EREG: variants seen among roughly 807,000 people sequenced by gnomAD.
The protein encoded by EREG is proepiregulin.
EREG carries 23 observed loss-of-function variants against 22.4 expected under a neutral mutation model. The observed-to-expected ratio is 1.03, with a 90% CI of 0.74 to 1.46. The LOEUF is 1.46. Among genes scored for constraint, EREG ranks in the 40% most tolerant of loss-of-function variants. The pLI is 0.00. For synonymous variants in EREG, 100 were observed against 75.4 expected (o/e 1.33, Z -1.69); for missense variants, 226 against 205.9 (o/e 1.10, Z -0.60).
Position 74,385,254 on chromosome 4 carries a change from G to T in EREG, c.*446G>T, listed in dbSNP as rs900786316. ...GTTTGACTGTACCATGGTTTGATAT[G>T]TAGTTGGCACCATGGTATCATATAT... On this transcript the variant is annotated 3_prime_UTR_variant, in exon 5 of 5. Transcript: ENST00000244869. The T allele has an allele frequency of 6.5e-6, 1 of 154,872 alleles. No homozygotes were observed. The highest frequency in any genetic ancestry group is 1.9e-4 in the East Asian group (1 of 5,268). The allele number at this position is 154,872 out of a possible 1,614,324, so 9.6% of individuals were successfully genotyped here.
Position 74,365,220 on chromosome 4 carries a change from C to A in EREG, c.-89C>A. On this transcript the variant is annotated 5_prime_UTR_variant, in exon 1 of 5. Coordinates refer to ENST00000244869, the MANE Select transcript of EREG (RefSeq NM_001432.3). ...TTCTAGGCTGACAGCCGCTCTCCAG[C>A]CACTGCCGCGAGCCCGTCTGCTCCC... 1 of 1,015,276 alleles carries A rather than the reference C, an allele frequency of 9.8e-7. No homozygotes were observed. 62.9% of individuals were successfully genotyped at this position (1,015,276 alleles called of 1,614,324 possible). A position where few individuals can be genotyped will look rare whatever the true frequency, so the allele number is the denominator to read the frequency against.
intron 1 of EREG, among the ~76,000 whole-genome samples, chr4:74,368,305 A>T (rs1241184275): frequency 6.6e-6 from 1 of 152,216 alleles, no homozygotes; most frequent in Non-Finnish European, 1.5e-5. Context: ...CATAATTTCT[A>T]ATCAACACAG....
At chr4:74,384,480 T>A (rs1752534444) in intron 4 of EREG, among the ~76,000 whole-genome samples, 1 of 152,136 alleles carries the variant, frequency 6.6e-6, no homozygotes, top group South Asian at 2.1e-4. Flanking sequence ...ATATTCATGA[T>A]CACGTTAAAG....
At chr4:74,372,974 A>ATTTTTTTTTTT (rs35483998) in intron 1 of EREG, among the ~76,000 whole-genome samples, 3 of 63,146 alleles carry the variant, frequency 4.8e-5, no homozygotes, top group African/African-American at 2.0e-4. Context: ...CATCTGGCTA[A>ATTTTTTTTTTT]TTTTTTTTTT....
chr4:74,365,160 C>G lies in EREG; in HGVS notation c.-149C>G, dbSNP rs1752149802. ...AGTTGAGCTCACTTGCCTGATATTTCCAGTGTCAGAGGGACACAGCCAACG... is the reference window on the plus strand; with the variant it reads ...AGTTGAGCTCACTTGCCTGATATTTGCAGTGTCAGAGGGACACAGCCAACG... On this transcript the variant is annotated 5_prime_UTR_variant, in exon 1 of 5. Transcript: ENST00000244869. 1.6e-6 allele frequency: 1 copy of G among 638,384 alleles called. No individual in the cohort carries two copies. Among genetic ancestry groups the G allele is most frequent in the South Asian group, 1.8e-5 (1 of 55,360 alleles). The allele number at this position is 638,384 out of a possible 1,614,324, so 39.5% of individuals were successfully genotyped here.
At chr4:74,375,561 C>T (rs999042669) in intron 1 of EREG, among the ~76,000 whole-genome samples, 5 of 151,480 alleles carry the variant, frequency 3.3e-5, no homozygotes, top group African/African-American at 1.2e-4. Flanking sequence ...GATATCCTGA[C>T]CTCGTGATCC....
chr4:74,369,260 A>C (rs1031871612), intron 1 of EREG, among the ~76,000 whole-genome samples: 1 of 151,906 alleles, frequency 6.6e-6, no homozygotes, highest in African/African-American at 2.4e-5. Flanking sequence ...AGTAGTGTAC[A>C]TTGTACCTAA....
At chr4:74,378,955 T>C (rs897956036) in intron 1 of EREG, among the ~76,000 whole-genome samples, 1 of 152,210 alleles carries the variant, frequency 6.6e-6, no homozygotes, top group African/African-American at 2.4e-5. Context: ...TCTATACTCA[T>C]GTGTAATGCA....
Position 74,387,422 on chromosome 4 carries a change from A to T in EREG, c.*2614A>T, listed in dbSNP as rs1206326873. ...GTAAGCATCTCAATCTTGGTTTGTCAGTTTATCTTAAGCATGTCAATTCAT... is the reference window on the plus strand; with the variant it reads ...GTAAGCATCTCAATCTTGGTTTGTCTGTTTATCTTAAGCATGTCAATTCAT... On this transcript the variant is annotated 3_prime_UTR_variant, in exon 5 of 5. Coordinates refer to ENST00000244869, the MANE Select transcript of EREG (RefSeq NM_001432.3). The T allele has an allele frequency of 6.6e-6, 1 of 152,076 alleles. No homozygotes were observed. The highest frequency in any genetic ancestry group is 1.5e-5 in the Non-Finnish European group (1 of 68,040). The allele number at this position is 152,076 out of a possible 1,614,324, so 9.4% of individuals were successfully genotyped here. A position where few individuals can be genotyped will look rare whatever the true frequency, so the allele number is the denominator to read the frequency against.
chr4:74,377,692 CTT>C (rs1380712859), intron 1 of EREG, among the ~76,000 whole-genome samples: 1 of 152,162 alleles, frequency 6.6e-6, no homozygotes, highest in Non-Finnish European at 1.5e-5. Context: ...TCTCAGGAAA[CTT>C]ATCATGGCCG....
chr4:74,365,193 C>A lies in EREG; in HGVS notation c.-116C>A. 2 of 748,212 alleles carry A rather than the reference C, an allele frequency of 2.7e-6. No individual in the cohort carries two copies. The highest frequency in any genetic ancestry group is 4.5e-6 in the Non-Finnish European group (2 of 439,806). 46.3% of individuals were successfully genotyped at this position (748,212 alleles called of 1,614,324 possible). The stretch of plus-strand genomic sequence containing the variant: ...AGAGGGACACAGCCAACGTGGGGTC[C>A]CTTCTAGGCTGACAGCCGCTCTCCA... On this transcript the variant is annotated 5_prime_UTR_variant, in exon 1 of 5. Transcript: ENST00000244869.
chr4:74,378,841 A>G (rs1328292399), intron 1 of EREG, among the ~76,000 whole-genome samples: 1 of 152,206 alleles, frequency 6.6e-6, no homozygotes, highest in Non-Finnish European at 1.5e-5. Context: ...GCTGATAGAA[A>G]CTGGATTCTA....
At position 74,365,216 on chromosome 4, in the gene EREG, C is replaced by T. The variant is rs1752150722; in HGVS notation, c.-93C>T. ...TCCCTTCTAGGCTGACAGCCGCTCT[C>T]CAGCCACTGCCGCGAGCCCGTCTGC... On this transcript the variant is annotated 5_prime_UTR_variant, in exon 1 of 5. Transcript: ENST00000244869. 1 of 985,288 alleles carries T rather than the reference C, an allele frequency of 1.0e-6. No homozygotes were observed. The highest frequency in any genetic ancestry group is 1.6e-6 in the Non-Finnish European group (1 of 640,160). 61.0% of individuals were successfully genotyped at this position (985,288 alleles called of 1,614,324 possible).
chr4:74,372,801 CTTTTTTTTTTT>C (rs60657787), intron 1 of EREG, among the ~76,000 whole-genome samples: 26 of 71,902 alleles, frequency 3.6e-4, no homozygotes, highest in African/African-American at 1.4e-3. Flanking sequence ...TTAAATTGTA[CTTTTTTTTTTT>C]TTTTTTTTTT....
In EREG at chr4:74,380,069, C is replaced by T. The variant is rs558663714; in HGVS notation, c.154+535C>T. Among the ~76,000 whole-genome samples the T allele has an allele frequency of 8.5e-5, 13 of 152,052 alleles. No individual in the cohort carries two copies. In the South Asian group the frequency reaches 2.7e-3, roughly 32 times the overall value. The stretch of plus-strand genomic sequence containing the variant: ...AAGATAAGTAATACAGTTTTTTCCC[C>T]TCGAGGACTGTGGACTCCAGATATG... On this transcript the variant is annotated intron_variant, in intron 2 of 4. Coordinates refer to ENST00000244869, the MANE Select transcript of EREG (RefSeq NM_001432.3).
intron 1 of EREG, among the ~76,000 whole-genome samples, chr4:74,368,660 C>T (rs1324535795): frequency 2.0e-5 from 3 of 152,170 alleles, no homozygotes; most frequent in African/African-American, 4.8e-5. Flanking sequence ...TTAATGTTCA[C>T]GTGAAAGATG....
chr4:74,375,556 C>G (rs1284072537), intron 1 of EREG, among the ~76,000 whole-genome samples: 1 of 150,548 alleles, frequency 6.6e-6, no homozygotes. Context: ...GTCTCGATAT[C>G]CTGACCTCGT....
chr4:74,366,512 G>T (rs1752187975), intron 1 of EREG, among the ~76,000 whole-genome samples: 1 of 152,216 alleles, frequency 6.6e-6, no homozygotes, highest in Admixed American at 6.5e-5. Flanking sequence ...CTTGCTAGAA[G>T]ATTCTCAGTA....
rs763272962 is a variant in EREG, at chr4:74,384,715, G to A, written c.429-12G>A. 6.4e-7 allele frequency: 1 copy of A among 1,562,962 alleles called. No homozygotes were observed. Among genetic ancestry groups the A allele is most frequent in the Non-Finnish European group, 8.8e-7 (1 of 1,133,874 alleles). The stretch of plus-strand genomic sequence containing the variant: ...CTGCAGTGCTAACAGTTTCGTTTGT[G>A]AATATTTCCAGGTACAGAAATCGAA... On this transcript the variant is annotated splice_polypyrimidine_tract_variant and intron_variant, in intron 4 of 4. Transcript: ENST00000244869.
Sources: allele counts gnomAD v4.1 joint callset (sites outside exome capture counted in the v4.1 genomes callset), GRCh38; gene constraint gnomAD v4.1.1; transcripts MANE v1.5; gene names NCBI Gene and HGNC (gene_info 2026-07-23, HGNC 2026-07-21).